Variants in TMEM108 observed in about 807,000 individuals in gnomAD.
TMEM108 encodes the protein transmembrane protein 108.
In TMEM108, 12 loss-of-function variants were observed where a neutral mutation model predicts 35.1. The observed-to-expected ratio is 0.34, with a 90% confidence interval of 0.22 to 0.55. The LOEUF is 0.55. Ranked by LOEUF, TMEM108 falls within the 20% of genes least tolerant of loss-of-function variation. The pLI is 0.89. For synonymous variants in TMEM108, 287 were observed against 308.6 expected, an observed-to-expected ratio of 0.93 and a Z score of 0.73; for missense variants, 680 against 753.3, an observed-to-expected ratio of 0.90 and a Z score of 1.14.
At chr3:133,200,007 G>C (rs749313935) in intron 2 of TMEM108, among the ~76,000 whole-genome samples, 1 of 152,120 alleles carries the variant, frequency 6.6e-6, no homozygotes, top group Non-Finnish European at 1.5e-5. Flanking sequence ...CTTGCAGTTC[G>C]ATCTCAGACT....
chr3:133,173,439 T>C (rs2107792629), intron 2 of TMEM108, among the ~76,000 whole-genome samples: 1 of 152,376 alleles, frequency 6.6e-6, no homozygotes, highest in African/African-American at 2.4e-5. Flanking sequence ...TCTGTTCATC[T>C]GCTGAGGTCA....
chr3:133,067,566 C>T (rs1207468340), intron 2 of TMEM108, among the ~76,000 whole-genome samples: 3 of 152,190 alleles, frequency 2.0e-5, no homozygotes, highest in African/African-American at 7.2e-5. Flanking sequence ...GAACACATTT[C>T]AAGTGTCTTC....
At chr3:133,071,049 G>A (rs139262253) in intron 2 of TMEM108, among the ~76,000 whole-genome samples, 1 of 152,190 alleles carries the variant, frequency 6.6e-6, no homozygotes, top group Non-Finnish European at 1.5e-5. Flanking sequence ...ATTGTACAAT[G>A]CCTGGTGTGC....
intron 3 of TMEM108, among the ~76,000 whole-genome samples, chr3:133,341,143 T>C (rs895448514): frequency 1.3e-5 from 2 of 151,796 alleles, no homozygotes; most frequent in African/African-American, 4.8e-5. Flanking sequence ...TGATATCCTA[T>C]ATTTGGAAAA....
At chr3:133,234,588 A>G (rs1946205341) in intron 3 of TMEM108, among the ~76,000 whole-genome samples, 1 of 152,212 alleles carries the variant, frequency 6.6e-6, no homozygotes, top group African/African-American at 2.4e-5. Context: ...TTAGGTATTG[A>G]TGTGACGTAT....
At chr3:133,376,964 G>C (rs1402485122) in intron 3 of TMEM108, among the ~76,000 whole-genome samples, 1 of 152,098 alleles carries the variant, frequency 6.6e-6, no homozygotes, top group Non-Finnish European at 1.5e-5. Flanking sequence ...AATAGGGTTG[G>C]AGTCCCCCGA....
At chr3:133,093,492 A>G (rs915150240) in intron 2 of TMEM108, among the ~76,000 whole-genome samples, 1 of 152,170 alleles carries the variant, frequency 6.6e-6, no homozygotes, top group Non-Finnish European at 1.5e-5. Context: ...CTGGTTCTCC[A>G]TCTTTGTTAT....
intron 2 of TMEM108, among the ~76,000 whole-genome samples, chr3:133,146,263 C>T (rs2107762003): frequency 6.6e-6 from 1 of 152,294 alleles, no homozygotes; most frequent in South Asian, 2.1e-4. Flanking sequence ...TGATGGATTA[C>T]ATTGATTGAT....
At chr3:133,096,348 A>G (rs982296159) in intron 2 of TMEM108, among the ~76,000 whole-genome samples, 2 of 152,092 alleles carry the variant, frequency 1.3e-5, no homozygotes, top group African/African-American at 4.8e-5. Context: ...TTTTGTAGAG[A>G]TGGGGTCTTG....
intron 3 of TMEM108, among the ~76,000 whole-genome samples, chr3:133,330,594 T>C (rs1280615074): frequency 6.6e-6 from 1 of 152,238 alleles, no homozygotes; most frequent in Non-Finnish European, 1.5e-5. Flanking sequence ...TTTATCTTTT[T>C]GTTGGTGGTG....
intron 3 of TMEM108, among the ~76,000 whole-genome samples, chr3:133,316,944 G>C (rs2071207183): frequency 6.6e-6 from 1 of 152,300 alleles, no homozygotes; most frequent in African/African-American, 2.4e-5. Flanking sequence ...AACTGTGGGT[G>C]GGAGAAAATT....
rs753271690 is a variant in TMEM108 at position 133,380,988 on chromosome 3, C to G, written c.1277C>G (p.Thr426Arg). 6.2e-7 allele frequency: 1 copy of G among 1,614,088 alleles called. No homozygotes were observed. Among genetic ancestry groups the G allele is most frequent in the East Asian group, 2.2e-5 (1 of 44,898 alleles). ...CTCTCCACAGTGGTATCCACAGCCA[C>G]AGGCAATTTCCTCAACCGCCTGGTC... ...SPLSTVVSTA[T>R]GNFLNRLVPA... Residue 426 changes from threonine (T) to arginine (R), a missense_variant, in exon 4 of 6, where the codon ACA (threonine) becomes AGA (arginine). Physicochemically the swap from Thr to Arg is moderately conservative, Grantham distance 71. Around this residue, in one of 3 missense-constraint regions of TMEM108, gnomAD observed 526 missense variants for 532.1 expected, o/e 0.99. Transcript: ENST00000321871. The surrounding 1 kb of genome is among the most constrained non-coding windows in gnomAD (Gnocchi z 5.3).
At chr3:133,286,456 C>T (rs185674217) in intron 3 of TMEM108, among the ~76,000 whole-genome samples, 1 of 152,306 alleles carries the variant, frequency 6.6e-6, no homozygotes, top group Admixed American at 6.5e-5. Flanking sequence ...ACCTCAGCCT[C>T]CCAAGTAGCC....
At chr3:133,222,372 G>A (rs1371128759) in intron 2 of TMEM108, among the ~76,000 whole-genome samples, 1 of 151,988 alleles carries the variant, frequency 6.6e-6, no homozygotes, top group African/African-American at 2.4e-5. Flanking sequence ...CATCTGTCTT[G>A]TTTCAATTGA....
intron 2 of TMEM108, among the ~76,000 whole-genome samples, chr3:133,107,468 G>GTGTGTC (rs1253998792): frequency 7.0e-6 from 1 of 142,446 alleles, no homozygotes; most frequent in African/African-American, 2.7e-5. Flanking sequence ...GTGTGTGTGT[G>GTGTGTC]TGTGTGTGTG....
chr3:133,244,528 T>A (rs1471696271), intron 3 of TMEM108, among the ~76,000 whole-genome samples: 1 of 152,232 alleles, frequency 6.6e-6, no homozygotes, highest in Non-Finnish European at 1.5e-5. Flanking sequence ...GTAATTGAAG[T>A]TCGCCCTGGA....
chr3:133,068,282 A>G (rs947002100), intron 2 of TMEM108, among the ~76,000 whole-genome samples: 1 of 152,130 alleles, frequency 6.6e-6, no homozygotes, highest in East Asian at 1.9e-4. Context: ...GACATGACCA[A>G]TGGGAAAAGG....
chr3:133,281,395 C>T (rs1236602202), intron 3 of TMEM108, among the ~76,000 whole-genome samples: 1 of 152,172 alleles, frequency 6.6e-6, no homozygotes, highest in Non-Finnish European at 1.5e-5. Flanking sequence ...CACCAAAAAA[C>T]CAGGCTTCAA....
At chr3:133,041,262 C>A (rs1290614750) in intron 1 of TMEM108, among the ~76,000 whole-genome samples, 7 of 152,168 alleles carry the variant, frequency 4.6e-5, no homozygotes, top group Non-Finnish European at 1.0e-4. Context: ...GTGGTAGTTA[C>A]ACGTCTCAGG....
Sources: allele counts gnomAD v4.1 joint callset (sites outside exome capture counted in the v4.1 genomes callset), GRCh38; gene constraint gnomAD v4.1.1; regional missense constraint gnomAD v4.1.1; non-coding constraint Gnocchi (gnomAD v3.1); transcripts MANE v1.5; gene names NCBI Gene and HGNC (gene_info 2026-07-23, HGNC 2026-07-21).